The following FURIN variants were observed in gnomAD, a reference collection of about 807,000 sequenced individuals.
FURIN encodes FES upstream region.
A neutral mutation model predicts 89.2 loss-of-function variants in FURIN; 18 were observed. The ratio of observed to expected loss-of-function variants is 0.20; its 90% CI spans 0.14 to 0.30. FURIN has a LOEUF of 0.30. Ranked by LOEUF, FURIN falls within the 10% of genes least tolerant of loss-of-function variation. The pLI is 1.00. For synonymous variants in FURIN, 508 were observed against 466.4 expected, an observed-to-expected ratio of 1.09 and a Z score of -1.15; for missense variants, 879 against 1,100.5, an observed-to-expected ratio of 0.80 and a Z score of 2.85.
At chr15:90,869,596 A>G (rs373895471) in intron 1 of FURIN, among the ~76,000 whole-genome samples, 9 of 147,846 alleles carry the variant, frequency 6.1e-5, no homozygotes, top group African/African-American at 2.3e-4. Context: ...CTGAGAACCC[A>G]CTTTAAAGAA....
Position 90,880,796 on chromosome 15 carries a change from C to G in FURIN, c.1662C>G (p.Thr554=). The G allele has an allele frequency of 1.2e-6, 2 of 1,613,624 alleles. No homozygotes were observed. The highest frequency in any genetic ancestry group is 2.2e-5 in the South Asian group (2 of 90,986). ...AGTGGGTCCTAGAGATTGAAAACACCAGCGAAGCCAACAACTATGGTACTG... is the reference window on the plus strand; with the variant it reads ...AGTGGGTCCTAGAGATTGAAAACACGAGCGAAGCCAACAACTATGGTACTG... ...SGEWVLEIEN[T]SEANNYGTLT... is the part of the protein sequence containing the mutation. The change falls in exon 14 of 16, where the codon ACC becomes ACG. Residue 554 remains threonine, a synonymous_variant. Coordinates refer to ENST00000268171, the MANE Select transcript of FURIN (RefSeq NM_002569.4).
chr15:90,876,785 G>T lies in FURIN; in HGVS notation c.373-111G>T. The T allele has an allele frequency of 8.1e-7, 1 of 1,228,010 alleles. No individual in the cohort carries two copies. The allele number at this position is 1,228,010 out of a possible 1,614,324, so 76.1% of individuals were successfully genotyped here. On this transcript the variant is annotated intron_variant, in intron 4 of 15. Transcript: ENST00000268171. The surrounding 1 kb of genome is among the most constrained non-coding windows in gnomAD (Gnocchi z 5.0). ...GACAGCCAGTGGCGGCCTTTCAGGA[G>T]CAGGGATGGTACAGGAGGAGGTTTT...
At chr15:90,878,356 G>A (rs375079883) in intron 8 of FURIN, 52 bp downstream of exon 8, 198 of 1,405,312 alleles carry the variant, frequency 1.4e-4, no homozygotes, top group African/African-American at 5.6e-4. Context: ...GCTGTCTTCC[G>A]TACCTATCTT....
chr15:90,877,740 C>T (rs2031716039), intron 7 of FURIN, 125 bp downstream of exon 7: 1 of 708,672 alleles, frequency 1.4e-6, no homozygotes, highest in South Asian at 1.9e-5. Context: ...CGTGGCTGTT[C>T]CATGGAGGGT....
Position 90,880,696 on chromosome 15 carries a change from A to G in FURIN, c.1562A>G (p.His521Arg). 4 of 1,613,136 alleles carry G rather than the reference A, an allele frequency of 2.5e-6. No individual in the cohort carries two copies. The highest frequency in any genetic ancestry group is 3.4e-6 in the Non-Finnish European group (4 of 1,179,460). Reference protein sequence around the residue: ...TRSTLLAARPHDYSADGFNDW... With the variant: ...TRSTLLAARPRDYSADGFNDW... ...GTGTGCACTCCCCTCCCCAGGCCAC[A>G]TGACTACTCCGCAGATGGGTTTAAT... The change falls in exon 14 of 16, where the codon CAT (histidine) becomes CGT (arginine). Residue 521 changes from histidine (H) to arginine (R), a missense_variant. By Grantham distance (29) the His-to-Arg change is conservative. Coordinates refer to ENST00000268171, the MANE Select transcript of FURIN (RefSeq NM_002569.4).
rs755844342 is a variant in FURIN, at chr15:90,878,988, C to T, written c.1053+12C>T. 7.5e-7 allele frequency: 1 copy of T among 1,332,566 alleles called. No individual in the cohort carries two copies. The highest frequency in any genetic ancestry group is 1.1e-6 in the Non-Finnish European group (1 of 947,560). The allele number at this position is 1,332,566 out of a possible 1,614,324, so 82.5% of individuals were successfully genotyped here. A position where few individuals can be genotyped will look rare whatever the true frequency, so the allele number is the denominator to read the frequency against. ...ATGAGAAGCAGATCGTGAGTCTTAC[C>T]TGGGGGTGGGGGCTGGGGAGATGGG... On this transcript the variant is annotated intron_variant, in intron 9 of 15. Transcript: ENST00000268171.
In FURIN at chr15:90,881,202, G is replaced by A; in HGVS notation, c.1793-84G>A. 1 of 1,205,708 alleles carries A rather than the reference G, an allele frequency of 8.3e-7. No homozygotes were observed. Among genetic ancestry groups the A allele is most frequent in the Non-Finnish European group, 1.2e-6 (1 of 841,348 alleles). The allele number at this position is 1,205,708 out of a possible 1,614,324, so 74.7% of individuals were successfully genotyped here. On this transcript the variant is annotated intron_variant, in intron 15 of 15. Transcript: ENST00000268171. This position sits in a 1 kb window ranked among gnomAD's most constrained non-coding sequence, Gnocchi z 4.3. ...TGGGGCTGGAGGATCCTGGGGATGT[G>A]GTGACTTGGCTTGGGGCTGCTGTGG...
At position 90,881,573 on chromosome 15, in the gene FURIN, C is replaced by T. The variant is rs779503365; in HGVS notation, c.2080C>T (p.Leu694=). ...CCCGCCACAGCAGCAGCCACCTCGG[C>T]TGCCCCCGGAGGTGGAGGCGGGGCA... is the stretch of plus-strand genomic sequence containing the variant. ...ESPPQQQPPR[L]PPEVEAGQRL... is the part of the protein sequence containing the mutation. Residue 694 remains leucine, a synonymous_variant, in exon 16 of 16, where the codon CTG becomes TTG. Transcript: ENST00000268171. The surrounding 1 kb of genome is among the most constrained non-coding windows in gnomAD (Gnocchi z 4.3). 6.2e-7 allele frequency: 1 copy of T among 1,611,770 alleles called. No homozygotes were observed. The highest frequency in any genetic ancestry group is 1.1e-5 in the South Asian group (1 of 90,974).
intron 13 of FURIN, among the ~76,000 whole-genome samples, 196 bp downstream of exon 13, chr15:90,880,469 GT>G (rs1238966820): frequency 6.6e-6 from 1 of 152,234 alleles, no homozygotes; most frequent in East Asian, 1.9e-4. Flanking sequence ...ACCATTTAAT[GT>G]CAGTAGTGTG....
At chr15:90,875,988 T>G in intron 2 of FURIN, 71 bp downstream of exon 2, 1 of 1,320,918 alleles carries the variant, frequency 7.6e-7, no homozygotes, top group Non-Finnish European at 1.0e-6. Context: ...GAGCAGGAGC[T>G]GTTGGCCTTG....
In FURIN at chr15:90,881,729, G is replaced by T; in HGVS notation, c.2236G>T (p.Gly746Trp). 6.3e-7 allele frequency: 1 copy of T among 1,599,324 alleles called. No homozygotes were observed. Among genetic ancestry groups the T allele is most frequent in the Non-Finnish European group, 8.5e-7 (1 of 1,171,754 alleles). ...LQLRSGFSFR[G>W]VKVYTMDRGL... ...GCTGCGCTCTGGCTTTAGTTTTCGG[G>T]GGGTGAAGGTGTACACCATGGACCG... Residue 746 changes from glycine to tryptophan, a missense_variant, in exon 16 of 16, where the codon GGG becomes TGG. Physicochemically the swap from Gly to Trp is radical, Grantham distance 184. Around this residue, in one of 5 missense-constraint regions of FURIN, gnomAD observed 457 missense variants for 490.7 expected, o/e 0.93. Coordinates refer to ENST00000268171, the MANE Select transcript of FURIN (RefSeq NM_002569.4). The surrounding 1 kb of genome is among the most constrained non-coding windows in gnomAD (Gnocchi z 4.3).
Position 90,875,725 on chromosome 15 carries a change from G to A in FURIN, c.-16G>A. 1 of 1,523,828 alleles carries A rather than the reference G, an allele frequency of 6.6e-7. No homozygotes were observed. Among genetic ancestry groups the A allele is most frequent in the African/African-American group, 1.4e-5 (1 of 72,698 alleles). 94.4% of individuals were successfully genotyped at this position (1,523,828 alleles called of 1,614,324 possible). A position where few individuals can be genotyped will look rare whatever the true frequency, so the allele number is the denominator to read the frequency against. ...AGGAGACGGGCGCTCCAGGGTCCCA[G>A]CCACCTGTCCCCCCCATGGAGCTGA... On this transcript the variant is annotated 5_prime_UTR_variant, in exon 2 of 16. Transcript: ENST00000268171.
intron 9 of FURIN, 139 bp from the exon 10 acceptor site, chr15:90,879,305 C>G (rs2031807525): frequency 1.5e-6 from 1 of 680,216 alleles, no homozygotes; most frequent in Admixed American, 2.6e-5. Context: ...AAGGCAGCAG[C>G]TGGGACCTGG....
At position 90,868,694 on chromosome 15, in the gene FURIN, C is replaced by G. The variant is rs560021341; in HGVS notation, c.-177C>G. 1 of 152,328 alleles carries G rather than the reference C, an allele frequency of 6.6e-6. No individual in the cohort carries two copies. The highest frequency in any genetic ancestry group is 2.1e-4 in the South Asian group (1 of 4,826). The allele number at this position is 152,328 out of a possible 1,614,324, so 9.4% of individuals were successfully genotyped here. Reference sequence around the variant, plus strand: ...GCGGCCAGGATGAATCCCAGGTGCTCTGGAGCTGGATGGTGAAGTATGGAC... The same window carrying G: ...GCGGCCAGGATGAATCCCAGGTGCTGTGGAGCTGGATGGTGAAGTATGGAC... On this transcript the variant is annotated 5_prime_UTR_variant, in exon 1 of 16. Transcript: ENST00000268171.
intron 1 of FURIN, among the ~76,000 whole-genome samples, chr15:90,870,055 C>T (rs1023800486): frequency 6.6e-6 from 1 of 152,182 alleles, no homozygotes; most frequent in Non-Finnish European, 1.5e-5. Flanking sequence ...CTTATCTTCC[C>T]GCTCAACTTT....
chr15:90,875,858 G>C lies in FURIN; in HGVS notation c.118G>C (p.Gly40Arg), dbSNP rs1228274329. The C allele has an allele frequency of 6.3e-7, 1 of 1,584,548 alleles. No homozygotes were observed. The highest frequency in any genetic ancestry group is 8.6e-7 in the Non-Finnish European group (1 of 1,166,168). Residue 40 changes from glycine (G) to arginine (R), a missense_variant, in exon 2 of 16, where the codon GGA (glycine) becomes CGA (arginine). This residue lies in a region of FURIN where 125 missense variants were observed against 125.0 expected (regional missense o/e 1.00). Transcript: ENST00000268171. ...CAACACGTGGGCTGTGCGCATCCCT[G>C]GAGGCCCAGCGGTGGCCAACAGTGT... ...FTNTWAVRIP[G>R]GPAVANSVAR...
Position 90,879,814 on chromosome 15 carries a change from G to A in FURIN, c.1258+40G>A, listed in dbSNP as rs769770085. On this transcript the variant is annotated intron_variant, in intron 11 of 15. Coordinates refer to ENST00000268171, the MANE Select transcript of FURIN (RefSeq NM_002569.4). ...GCCCGGCAGGCTGGATGTGGAGTTAGGTAGAAGGCACTCTGTGCCTGACAG... is the reference window on the plus strand; with the variant it reads ...GCCCGGCAGGCTGGATGTGGAGTTAAGTAGAAGGCACTCTGTGCCTGACAG... 1.9e-6 allele frequency: 3 copies of A among 1,607,730 alleles called. No homozygotes were observed. In the South Asian group the frequency reaches 3.3e-5, roughly 18 times the overall value.
In FURIN at chr15:90,876,075, A is replaced by C. The variant is rs2031601378; in HGVS notation, c.177+158A>C. On this transcript the variant is annotated intron_variant, in intron 2 of 15. Transcript: ENST00000268171. This position sits in a 1 kb window ranked among gnomAD's most constrained non-coding sequence, Gnocchi z 5.0. ...AGCACAGGTGGTTCAGGCAAGCAGCATATCCCAGTGAGAGTGAGTCCTCAT... is the reference window on the plus strand; with the variant it reads ...AGCACAGGTGGTTCAGGCAAGCAGCCTATCCCAGTGAGAGTGAGTCCTCAT... Among the ~76,000 whole-genome samples, 1 of 152,146 alleles carries C rather than the reference A, an allele frequency of 6.6e-6. No individual in the cohort carries two copies. Among genetic ancestry groups the C allele is most frequent in the Admixed American group, 6.5e-5 (1 of 15,272 alleles).
Position 90,876,396 on chromosome 15 carries a change from C to T in FURIN, c.276+43C>T. The stretch of plus-strand genomic sequence containing the variant: ...CCCCTCCTGCTGCCACCCTCCCCCT[C>T]CTGCTCTCAGGAGCCCCTCTCGCCT... On this transcript the variant is annotated intron_variant, in intron 3 of 15. Coordinates refer to ENST00000268171, the MANE Select transcript of FURIN (RefSeq NM_002569.4). The surrounding 1 kb of genome is among the most constrained non-coding windows in gnomAD (Gnocchi z 5.0). 2 of 1,517,988 alleles carry T rather than the reference C, an allele frequency of 1.3e-6. No individual in the cohort carries two copies. Among genetic ancestry groups the T allele is most frequent in the Non-Finnish European group, 1.8e-6 (2 of 1,092,618 alleles). 94.0% of individuals were successfully genotyped at this position (1,517,988 alleles called of 1,614,324 possible).
Sources: gnomAD v4.1 joint callset for allele counts (sites outside exome capture counted in the v4.1 genomes callset) on GRCh38, gnomAD v4.1.1 for gene constraint, gnomAD v4.1.1 regional missense constraint, Gnocchi (gnomAD v3.1) non-coding constraint, MANE v1.5 for transcripts, NCBI Gene and HGNC (gene_info 2026-07-23, HGNC 2026-07-21) for gene names.